Variants in GRID1 observed in about 807,000 individuals in gnomAD.
GRID1 encodes glutamate receptor ionotropic, delta-1.
GRID1 carries 28 observed loss-of-function variants against 98.0 expected under a neutral mutation model. That is an observed-to-expected ratio of 0.29 (90% CI 0.21 to 0.39). GRID1 has a LOEUF of 0.39. Ranked by LOEUF, GRID1 falls within the 10% of genes least tolerant of loss-of-function variation. The pLI is 1.00. For missense variants in GRID1, 1,111 were observed against 1,340.5 expected, an observed-to-expected ratio of 0.83 and a Z score of 2.67; for synonymous variants, 553 against 538.5, an observed-to-expected ratio of 1.03 and a Z score of -0.37.
At chr10:86,205,960 G>A (rs1457194427) in intron 3 of GRID1, among the ~76,000 whole-genome samples, 1 of 152,086 alleles carries the variant, frequency 6.6e-6, no homozygotes, top group East Asian at 1.9e-4. Flanking sequence ...TGCGATGGAT[G>A]GAGGCAAGGA....
chr10:86,183,479 C>A (rs1391860756), intron 3 of GRID1, among the ~76,000 whole-genome samples: 1 of 152,180 alleles, frequency 6.6e-6, no homozygotes, highest in Non-Finnish European at 1.5e-5. Flanking sequence ...TCTGCCTCAG[C>A]CTCCCAAGTA....
intron 2 of GRID1, among the ~76,000 whole-genome samples, chr10:86,267,675 G>A (rs1269536412): frequency 6.6e-6 from 1 of 152,140 alleles, no homozygotes; most frequent in Non-Finnish European, 1.5e-5. Flanking sequence ...CCATGGCTCA[G>A]CTGAAAGACA....
rs566519500 is a variant in GRID1 at position 86,296,132 on chromosome 10, C to A, written c.235+67809G>T. Among the ~76,000 whole-genome samples the A allele has an allele frequency of 1.1e-4, 17 of 152,354 alleles. No individual in the cohort carries two copies. The South Asian group carries it at 3.3e-3, about 30-fold the overall frequency. On this transcript the variant is annotated intron_variant, in intron 2 of 15. Coordinates refer to ENST00000327946, the MANE Select transcript of GRID1 (RefSeq NM_017551.3). ...GGCAGCCACAGCCCATCTCCAATGT[C>A]CCCATACACTCTTCAGGGCATCTGA...
intron 10 of GRID1, 71 bp from the exon 11 acceptor site, chr10:85,724,747 T>A: frequency 7.9e-7 from 1 of 1,273,834 alleles, no homozygotes; most frequent in Middle Eastern, 2.7e-4. Flanking sequence ...TGGGTCAAGG[T>A]CCACCCTCTG....
At chr10:86,301,928 A>C (rs1847693797) in intron 2 of GRID1, among the ~76,000 whole-genome samples, 1 of 152,228 alleles carries the variant, frequency 6.6e-6, no homozygotes, top group South Asian at 2.1e-4. Flanking sequence ...GACCCTCTTA[A>C]GTCATCAAGG....
At chr10:86,200,198 G>T (rs1212610810) in intron 3 of GRID1, among the ~76,000 whole-genome samples, 1 of 151,876 alleles carries the variant, frequency 6.6e-6, no homozygotes, top group Non-Finnish European at 1.5e-5. Flanking sequence ...TTAAGCACCT[G>T]TTTAAATGTC....
chr10:85,966,843 A>T (rs1199588358), intron 4 of GRID1, among the ~76,000 whole-genome samples: 1 of 151,816 alleles, frequency 6.6e-6, no homozygotes, highest in African/African-American at 2.4e-5. Flanking sequence ...GAAATATATG[A>T]CCACCAAGTA....
At chr10:86,272,387 G>C (rs1847198705) in intron 2 of GRID1, among the ~76,000 whole-genome samples, 2 of 152,144 alleles carry the variant, frequency 1.3e-5, no homozygotes. Context: ...AGGTATTGTG[G>C]CATTTTTACT....
intron 2 of GRID1, among the ~76,000 whole-genome samples, chr10:86,332,059 A>G (rs1303195194): frequency 6.6e-6 from 1 of 152,212 alleles, no homozygotes; most frequent in Non-Finnish European, 1.5e-5. Context: ...GCACCTGCCA[A>G]TGTGAGACCA....
chr10:86,066,569 C>T (rs1016912221), intron 4 of GRID1, among the ~76,000 whole-genome samples: 2 of 152,198 alleles, frequency 1.3e-5, no homozygotes, highest in African/African-American at 4.8e-5. Flanking sequence ...GCCCATCATG[C>T]TATGGAAGCT....
At chr10:86,113,089 T>C (rs996007970) in intron 4 of GRID1, among the ~76,000 whole-genome samples, 2 of 152,220 alleles carry the variant, frequency 1.3e-5, no homozygotes, top group African/African-American at 4.8e-5. Context: ...ACTCATCTGA[T>C]GCATGCAATG....
intron 12 of GRID1, among the ~76,000 whole-genome samples, chr10:85,720,532 T>C (rs545261184): frequency 1.8e-4 from 28 of 151,968 alleles, no homozygotes; most frequent in Admixed American, 3.3e-4. Flanking sequence ...TATGTCCAAC[T>C]GTTTTCTCAC....
chr10:85,962,009 G>A (rs142107990), intron 4 of GRID1, among the ~76,000 whole-genome samples: 28 of 152,324 alleles, frequency 1.8e-4, no homozygotes, highest in African/African-American at 6.5e-4. Flanking sequence ...AAAAAGAGCA[G>A]AAGGAAGGAA....
chr10:86,131,011 A>G (rs1844828267), intron 4 of GRID1, among the ~76,000 whole-genome samples: 1 of 152,094 alleles, frequency 6.6e-6, no homozygotes, highest in Non-Finnish European at 1.5e-5. Flanking sequence ...GAGTGGGGTC[A>G]GGGAACTCTC....
rs1056846941 is a variant in GRID1, at chr10:86,366,553, C to A, written c.-161G>T. On this transcript the variant is annotated 5_prime_UTR_variant, in exon 1 of 16. Coordinates refer to ENST00000327946, the MANE Select transcript of GRID1 (RefSeq NM_017551.3). This position sits in a 1 kb window ranked among gnomAD's most constrained non-coding sequence, Gnocchi z 4.1. ...CGCGCCCGCCCCTGCGCCCTGCGCC[C>A]GCCCCAGCCCAGCCCAGCCCAGCCC... The A allele has an allele frequency of 1.0e-5, 3 of 291,722 alleles. No individual in the cohort carries two copies. Among genetic ancestry groups the A allele is most frequent in the African/African-American group, 6.8e-5 (3 of 44,272 alleles). The allele number at this position is 291,722 out of a possible 1,614,324, so 18.1% of individuals were successfully genotyped here. A position where few individuals can be genotyped will look rare whatever the true frequency, so the allele number is the denominator to read the frequency against.
intron 4 of GRID1, among the ~76,000 whole-genome samples, chr10:85,923,361 C>G (rs2131828423): frequency 6.6e-6 from 1 of 152,282 alleles, no homozygotes; most frequent in South Asian, 2.1e-4. Flanking sequence ...AGAATTTACC[C>G]TGTGAAGCAC....
chr10:86,117,584 T>C (rs2131956611), intron 4 of GRID1, among the ~76,000 whole-genome samples: 1 of 148,944 alleles, frequency 6.7e-6, no homozygotes. Context: ...ATCACCACCA[T>C]CATCAACATC....
At chr10:85,771,290 C>A (rs12255337) in intron 8 of GRID1, among the ~76,000 whole-genome samples, 1 of 152,078 alleles carries the variant, frequency 6.6e-6, no homozygotes, top group Non-Finnish European at 1.5e-5. Context: ...TTTGTCACCA[C>A]GAGGCCTGCC....
chr10:86,221,892 C>CCTCCTT (rs1376817748), intron 2 of GRID1, among the ~76,000 whole-genome samples: 1 of 68,510 alleles, frequency 1.5e-5, no homozygotes, highest in African/African-American at 4.4e-5. Flanking sequence ...TCCCCCTCCT[C>CCTCCTT]CTCCTTCTCC....
Sources: allele counts gnomAD v4.1 joint callset (sites outside exome capture counted in the v4.1 genomes callset), GRCh38; gene constraint gnomAD v4.1.1; non-coding constraint Gnocchi (gnomAD v3.1); transcripts MANE v1.5; gene names NCBI Gene and HGNC (gene_info 2026-07-23, HGNC 2026-07-21).